BSN: variants seen among roughly 807,000 people sequenced by gnomAD.
The protein encoded by BSN is protein bassoon.
A neutral mutation model predicts 264.8 loss-of-function variants in BSN; 57 were observed. The observed-to-expected ratio is 0.22, with a 90% confidence interval of 0.17 to 0.27. BSN has a LOEUF of 0.27. Among genes scored for constraint, BSN ranks in the 10% least tolerant of loss-of-function variants. The probability of loss-of-function intolerance (pLI) is 1.00; values close to 1 mark genes in which losing one functional copy is unlikely to be tolerated. For synonymous variants in BSN, 2,059 were observed against 2,137.3 expected (o/e 0.96, Z 1.01); for missense variants, 4,615 against 5,232.5 (o/e 0.88, Z 3.64).
Position 49,654,066 on chromosome 3 carries a change from T to A in BSN, c.4510T>A (p.Phe1504Ile). The change falls in exon 5 of 12, where the codon TTC becomes ATC. Residue 1504 changes from phenylalanine (F) to isoleucine (I), a missense_variant. Coordinates refer to ENST00000296452, the MANE Select transcript of BSN (RefSeq NM_003458.4). The surrounding 1 kb of genome is among the most constrained non-coding windows in gnomAD (Gnocchi z 4.1). ...GATGGGCCCAAGGGCCACAGCAGAG[T>A]TCTCTACACAGACGCCAAGTCCAGC... ...GKMGPRATAE[F>I]STQTPSPAPA... 6.2e-7 allele frequency: 1 copy of A among 1,612,624 alleles called. No homozygotes were observed. Among genetic ancestry groups the A allele is most frequent in the Non-Finnish European group, 8.5e-7 (1 of 1,179,668 alleles).
chr3:49,672,905 G>T (rs1031764742), downstream of BSN, among the ~76,000 whole-genome samples: 3 of 149,860 alleles, frequency 2.0e-5, no homozygotes, highest in East Asian at 2.0e-4. Context: ...TCAGCCTCCC[G>T]AGTAACTGGG....
intron 9 of BSN, 86 bp downstream of exon 9, chr3:49,664,640 A>G: frequency 6.5e-7 from 1 of 1,547,548 alleles, no homozygotes; most frequent in Admixed American, 1.8e-5. Flanking sequence ...TCAGTCACCC[A>G]GGCAGAGGCC....
rs778043282 is a variant in BSN at position 49,660,549 on chromosome 3, C to G, written c.8704C>G (p.Pro2902Ala). 2.8e-5 allele frequency: 45 copies of G among 1,589,056 alleles called. No individual in the cohort carries two copies. The highest frequency in any genetic ancestry group is 3.9e-5 in the Non-Finnish European group (45 of 1,166,040). Residue 2902 changes from proline (P) to alanine (A), a missense_variant, in exon 6 of 12, where the codon CCA (proline) becomes GCA (alanine). Physicochemically the swap from Pro to Ala is conservative, Grantham distance 27. Coordinates refer to ENST00000296452, the MANE Select transcript of BSN (RefSeq NM_003458.4). This position sits in a 1 kb window ranked among gnomAD's most constrained non-coding sequence, Gnocchi z 7.1. ...GAAGCGGACACTGCCCAGCCCCCCT[C>G]CAGAGGAGGCTCACCTTCCCCTGGC... The part of the protein sequence containing the change: ...KVKRTLPSPP[P>A]EEAHLPLAGQ...
At chr3:49,589,486 C>A (rs938217603) in intron 1 of BSN, among the ~76,000 whole-genome samples, 2 of 145,118 alleles carry the variant, frequency 1.4e-5, no homozygotes. Flanking sequence ...AATCTTCAAT[C>A]TTCATTTTCT....
At chr3:49,630,982 G>C (rs575126593) in intron 2 of BSN, among the ~76,000 whole-genome samples, 1 of 152,216 alleles carries the variant, frequency 6.6e-6, no homozygotes, top group South Asian at 2.1e-4. Context: ...GCCTGGACAG[G>C]CATGTTTAAC....
chr3:49,568,910 A>T (rs1463418768), intron 1 of BSN, among the ~76,000 whole-genome samples: 2 of 152,222 alleles, frequency 1.3e-5, no homozygotes, highest in Non-Finnish European at 2.9e-5. Context: ...ATATTCAGGC[A>T]TGAGAGGATG....
intron 3 of BSN, among the ~76,000 whole-genome samples, chr3:49,645,777 GTTTCTGA>G (rs1196928313): frequency 6.6e-6 from 1 of 152,190 alleles, no homozygotes; most frequent in Non-Finnish European, 1.5e-5. Flanking sequence ...TTGGTTAGAG[GTTTCTGA>G]TTTCTCAGCA....
At position 49,671,399 on chromosome 3, in the gene BSN, C is replaced by G. The variant is rs984944251; in HGVS notation, c.*3914C>G. The G allele has an allele frequency of 1.3e-5, 2 of 152,558 alleles. No homozygotes were observed. The highest frequency in any genetic ancestry group is 2.9e-5 in the Non-Finnish European group (2 of 68,024). 9.5% of individuals were successfully genotyped at this position (152,558 alleles called of 1,614,324 possible). On this transcript the variant is annotated 3_prime_UTR_variant, in exon 12 of 12. Transcript: ENST00000296452. The surrounding 1 kb of genome is among the most constrained non-coding windows in gnomAD (Gnocchi z 4.1). ...ACAAACAAGTTTACAGTTGTAAGTG[C>G]AATGACCCGAGTCCTCCACATGACC...
chr3:49,665,120 A>C, intron 10 of BSN, 109 bp from the exon 11 acceptor site: 1 of 386,422 alleles, frequency 2.6e-6, no homozygotes, highest in Non-Finnish European at 4.7e-6. Flanking sequence ...TGGCTTTCAA[A>C]CCATCTGCCA....
At chr3:49,584,218 A>G (rs2051917202) in intron 1 of BSN, among the ~76,000 whole-genome samples, 1 of 151,382 alleles carries the variant, frequency 6.6e-6, no homozygotes, top group Non-Finnish European at 1.5e-5. Context: ...TGGTAGTAAC[A>G]TCCTTTCTTT....
In BSN at chr3:49,653,840, T is replaced by C. The variant is rs777574841; in HGVS notation, c.4284T>C (p.Tyr1428=). The change falls in exon 5 of 12, where the codon TAT becomes TAC. Residue 1428 remains tyrosine, a synonymous_variant. Coordinates refer to ENST00000296452, the MANE Select transcript of BSN (RefSeq NM_003458.4). This position sits in a 1 kb window ranked among gnomAD's most constrained non-coding sequence, Gnocchi z 6.3. ...GACACAGCCCAACCACTGCAAACTA[T>C]GGGTCCCAAACTGAGGATCTACCCC... ...SYGHSPTTAN[Y]GSQTEDLPQA... is the part of the protein sequence containing the mutation. 15 of 1,613,960 alleles carry C rather than the reference T, an allele frequency of 9.3e-6. No individual in the cohort carries two copies. In the East Asian group the frequency reaches 3.1e-4, roughly 34 times the overall value.
rs367607041 is a variant in BSN, at chr3:49,663,610, G to A, written c.11452G>A (p.Ala3818Thr). 3.1e-6 allele frequency: 5 copies of A among 1,608,836 alleles called. No individual in the cohort carries two copies. Among genetic ancestry groups the A allele is most frequent in the Non-Finnish European group, 4.2e-6 (5 of 1,178,010 alleles). The change falls in exon 7 of 12, where the codon GCA becomes ACA. Residue 3818 changes from alanine to threonine, a missense_variant. Ala to Thr is a moderately conservative substitution (Grantham distance 58, BLOSUM62 0). This residue lies in a region of BSN where 3,415 missense variants were observed against 3,866.4 expected (regional missense o/e 0.88). Coordinates refer to ENST00000296452, the MANE Select transcript of BSN (RefSeq NM_003458.4). Reference sequence around the variant, plus strand: ...CTCAGCCCCTGCTGCCAGCCAGCCTGCAGGGAAGCCTCAGCCAGGCCCCAG... The same window carrying A: ...CTCAGCCCCTGCTGCCAGCCAGCCTACAGGGAAGCCTCAGCCAGGCCCCAG... ...RGSAPAASQP[A>T]GKPQPGPSTA... is the part of the protein sequence containing the mutation.
intron 1 of BSN, among the ~76,000 whole-genome samples, chr3:49,586,663 A>T (rs2051940488): frequency 6.6e-6 from 1 of 152,324 alleles, no homozygotes; most frequent in Admixed American, 6.5e-5. Context: ...TATTGAAGAT[A>T]CTGTCTTTTC....
chr3:49,650,914 A>G lies in BSN; in HGVS notation c.1821A>G (p.Glu607=). ...GCAAGACCCCAAGCAGTGTCCAGGAAAAGAAGACCCGAGTCCCCACTAAAG... is the reference window on the plus strand; with the variant it reads ...GCAAGACCCCAAGCAGTGTCCAGGAGAAGAAGACCCGAGTCCCCACTAAAG... ...EPSKTPSSVQ[E]KKTRVPTKAE... is the part of the protein sequence containing the mutation. Residue 607 remains glutamate (E), a synonymous_variant, in exon 4 of 12, where the codon GAA becomes GAG. Coordinates refer to ENST00000296452, the MANE Select transcript of BSN (RefSeq NM_003458.4). 1 of 1,614,148 alleles carries G rather than the reference A, an allele frequency of 6.2e-7. No homozygotes were observed.
At chr3:49,614,115 A>G (rs1378923286) in intron 1 of BSN, among the ~76,000 whole-genome samples, 1 of 134,708 alleles carries the variant, frequency 7.4e-6, no homozygotes, top group Non-Finnish European at 1.5e-5. Context: ...GCCAGAGTGC[A>G]GTGGCTTGAT....
intron 3 of BSN, among the ~76,000 whole-genome samples, chr3:49,646,500 C>T (rs1397142522): frequency 6.6e-6 from 1 of 152,212 alleles, no homozygotes. Flanking sequence ...GGGGTTGCAG[C>T]AGGGGCATCA....
Position 49,643,044 on chromosome 3 carries a change from C to T in BSN, c.1410C>T (p.Ala470=), listed in dbSNP as rs1449223724. Residue 470 remains alanine (A), a synonymous_variant, in exon 3 of 12, where the codon GCC becomes GCT. Coordinates refer to ENST00000296452, the MANE Select transcript of BSN (RefSeq NM_003458.4). ...GGGCCATCTGCCCACTGTGCCAAGCCGAGCTCAACGTGGGCAGCAAGAGCC... is the reference window on the plus strand; with the variant it reads ...GGGCCATCTGCCCACTGTGCCAAGCTGAGCTCAACGTGGGCAGCAAGAGCC... ...KERAICPLCQ[A]ELNVGSKSPA... 2.5e-6 allele frequency: 4 copies of T among 1,614,074 alleles called. No individual in the cohort carries two copies. Among genetic ancestry groups the T allele is most frequent in the South Asian group, 1.1e-5 (1 of 91,086 alleles).
chr3:49,576,165 A>G (rs2051844056), intron 1 of BSN, among the ~76,000 whole-genome samples: 1 of 152,070 alleles, frequency 6.6e-6, no homozygotes, highest in African/African-American at 2.4e-5. Flanking sequence ...ATCTCCAAGT[A>G]AACCACTATA....
intron 1 of BSN, among the ~76,000 whole-genome samples, chr3:49,563,252 A>C (rs898277336): frequency 5.3e-5 from 8 of 152,102 alleles, no homozygotes. Flanking sequence ...TCTGGTAGGC[A>C]GGGGCTCTCG....
Sources: allele counts gnomAD v4.1 joint callset (sites outside exome capture counted in the v4.1 genomes callset), GRCh38; gene constraint gnomAD v4.1.1; regional missense constraint gnomAD v4.1.1; non-coding constraint Gnocchi (gnomAD v3.1); transcripts MANE v1.5; gene names NCBI Gene and HGNC (gene_info 2026-07-23, HGNC 2026-07-21).